NAV3: variants seen among roughly 807,000 people sequenced by gnomAD.
NAV3 encodes neuron navigator 3.
A neutral mutation model predicts 244.7 loss-of-function variants in NAV3; 87 were observed. The ratio of observed to expected loss-of-function variants is 0.36; its 90% confidence interval spans 0.30 to 0.42. The LOEUF (loss-of-function observed/expected upper bound fraction) is 0.42, where lower values mean the gene tolerates loss of function less well. Ranked by LOEUF, NAV3 falls within the 20% of genes least tolerant of loss-of-function variation. The pLI, the probability that NAV3 is intolerant of heterozygous loss-of-function variation, is 1.00. For synonymous variants in NAV3, 1,126 were observed against 1,042.2 expected, an observed-to-expected ratio of 1.08 and a Z score of -1.55; for missense variants, 2,663 against 2,893.3, an observed-to-expected ratio of 0.92 and a Z score of 1.83.
chr12:78,054,874 A>AT (rs1382537460), intron 11 of NAV3, among the ~76,000 whole-genome samples: 1 of 152,030 alleles, frequency 6.6e-6, no homozygotes, highest in African/African-American at 2.4e-5. Context: ...AGAGTTAGAG[A>AT]TGTAGAGCTG....
intron 1 of NAV3, among the ~76,000 whole-genome samples, chr12:77,839,524 A>G (rs1875246374): frequency 6.6e-6 from 1 of 152,324 alleles, no homozygotes; most frequent in South Asian, 2.1e-4. Flanking sequence ...CAGTTTCTTC[A>G]TCTTTAAAAT....
chr12:77,998,364 T>C lies in NAV3; in HGVS notation c.768T>C (p.Ala256=), dbSNP rs760803030. The C allele has an allele frequency of 1.2e-6, 2 of 1,601,062 alleles. No individual in the cohort carries two copies. The highest frequency in any genetic ancestry group is 1.7e-6 in the Non-Finnish European group (2 of 1,174,120). ...TRLPGPSRVP[A]AGSSSKVQGA... is the part of the protein sequence containing the mutation. ...TTCCAGGGCCCTCTAGGGTGCCTGC[T>C]GCAGGAAGCAGCAGCAAGGTCCAGG... The change falls in exon 7 of 40, where the codon GCT becomes GCC. Residue 256 remains alanine (A), a synonymous_variant. Coordinates refer to ENST00000397909, the MANE Select transcript of NAV3 (RefSeq NM_001024383.2).
Position 78,137,173 on chromosome 12 carries a change from T to G in NAV3, c.4442-4T>G. On this transcript the variant is annotated splice_polypyrimidine_tract_variant and splice_region_variant and intron_variant, in intron 18 of 39. Transcript: ENST00000397909. ...TAATAGGCTCTGTGTGTTTTGTTTTTCAGTGAGCCCAACAAATTTGTCTCA... is the reference window on the plus strand; with the variant it reads ...TAATAGGCTCTGTGTGTTTTGTTTTGCAGTGAGCCCAACAAATTTGTCTCA... The G allele has an allele frequency of 3.1e-6, 5 of 1,608,130 alleles. No homozygotes were observed. The highest frequency in any genetic ancestry group is 3.4e-6 in the Non-Finnish European group (4 of 1,177,216).
intron 20 of NAV3, among the ~76,000 whole-genome samples, chr12:78,141,196 A>T (rs1346045869): frequency 1.3e-5 from 2 of 152,072 alleles, no homozygotes; most frequent in African/African-American, 4.8e-5. Flanking sequence ...TTAGATAGAA[A>T]CTTTATTTAT....
At chr12:77,970,662 A>G (rs1027068339) in intron 5 of NAV3, among the ~76,000 whole-genome samples, 3 of 152,122 alleles carry the variant, frequency 2.0e-5, no homozygotes, top group Non-Finnish European at 2.9e-5. Flanking sequence ...GGTTATATCA[A>G]GTGAGATTGT....
At chr12:77,971,986 C>G (rs1893035384) in intron 5 of NAV3, among the ~76,000 whole-genome samples, 1 of 151,972 alleles carries the variant, frequency 6.6e-6, no homozygotes, top group Non-Finnish European at 1.5e-5. Context: ...TGTTTTTCCT[C>G]AAGTTGAATA....
chr12:78,003,707 A>G (rs1368973495), intron 7 of NAV3, among the ~76,000 whole-genome samples: 1 of 152,208 alleles, frequency 6.6e-6, no homozygotes, highest in African/African-American at 2.4e-5. Context: ...ACATCCATGT[A>G]TTAATTTTAG....
rs547619908 is a variant in NAV3 at position 77,631,377 on chromosome 12, GAAAC to G, written c.72+59115_72+59118del. Among the ~76,000 whole-genome samples the G allele has an allele frequency of 2.5e-4, 38 of 150,322 alleles. No homozygotes were observed. In the South Asian group the frequency reaches 4.8e-3, roughly 19 times the overall value. On this transcript the variant is annotated intron_variant, in intron 2 of 8. Transcript: ENST00000550042. ...TGGAAAAAGAAAAAAAGAAAGAAAA[GAAAC>G]AAAGACCATTTTATAGCGATTAAAT...
intron 12 of NAV3, among the ~76,000 whole-genome samples, chr12:78,061,083 C>A (rs1454716399): frequency 2.0e-5 from 3 of 152,130 alleles, no homozygotes; most frequent in Non-Finnish European, 1.5e-5. Flanking sequence ...GCAGCAGCAG[C>A]AGCAGCAGCC....
intron 3 of NAV3, among the ~76,000 whole-genome samples, chr12:77,943,803 A>G (rs1288861323): frequency 2.0e-5 from 3 of 152,192 alleles, no homozygotes. Context: ...GCTTAATAAC[A>G]AAAGATAAAG....
At chr12:77,941,035 C>T in intron 2 of NAV3, 46 bp from the exon 3 acceptor site, 1 of 1,207,426 alleles carries the variant, frequency 8.3e-7, no homozygotes, top group East Asian at 2.3e-5. Context: ...ATTGCTTAAG[C>T]ATGTCGTTCT....
intron 2 of NAV3, among the ~76,000 whole-genome samples, chr12:77,620,653 G>A (rs554899448): frequency 1.6e-4 from 24 of 151,956 alleles, no homozygotes; most frequent in Admixed American, 5.2e-4. Flanking sequence ...GTAGAGATGC[G>A]GTTTCACCAT....
At chr12:77,873,947 G>T (rs971442012) in intron 1 of NAV3, among the ~76,000 whole-genome samples, 1 of 151,272 alleles carries the variant, frequency 6.6e-6, no homozygotes, top group Non-Finnish European at 1.5e-5. Context: ...ACAACCAGAG[G>T]TGAGCAGCAG....
chr12:77,872,383 T>G (rs1374697213), intron 1 of NAV3, among the ~76,000 whole-genome samples: 1 of 152,124 alleles, frequency 6.6e-6, no homozygotes, highest in Non-Finnish European at 1.5e-5. Flanking sequence ...CCACTTGAAG[T>G]GCTATGCTTC....
At chr12:77,621,583 G>A (rs374819520) in intron 2 of NAV3, among the ~76,000 whole-genome samples, 12 of 150,284 alleles carry the variant, frequency 8.0e-5, no homozygotes, top group Non-Finnish European at 1.8e-4. Flanking sequence ...CGTGTCAAGC[G>A]ATTCTCCTGC....
chr12:77,946,006 A>G (rs1045423610), intron 3 of NAV3, among the ~76,000 whole-genome samples: 1 of 150,756 alleles, frequency 6.6e-6, no homozygotes, highest in African/African-American at 2.4e-5. Context: ...TGATCCACCC[A>G]TCTCGGCCTC....
rs1238616262 is a variant in NAV3, at chr12:77,963,041, AT to A, written c.415-3187del. On this transcript the variant is annotated intron_variant, in intron 3 of 39. Transcript: ENST00000397909. Reference sequence around the variant, plus strand: ...TTAGTTTGTTTGATATCCGATTCAAATAATAATGAAGGAAAATAAAACAGAT... The same window carrying A: ...TTAGTTTGTTTGATATCCGATTCAAAAATAATGAAGGAAAATAAAACAGAT... 3.3e-5 allele frequency among the ~76,000 whole-genome samples: 5 copies of A among 152,280 alleles called. No individual in the cohort carries two copies. The East Asian group carries it at 5.8e-4, about 18-fold the overall frequency.
chr12:77,593,150 C>G (rs145769503), intron 2 of NAV3, among the ~76,000 whole-genome samples: 41 of 152,048 alleles, frequency 2.7e-4, no homozygotes, highest in African/African-American at 9.6e-4. Context: ...CCAAATCAAC[C>G]CATGGGTGTC....
chr12:78,014,271 G>A (rs1161426637), intron 8 of NAV3, among the ~76,000 whole-genome samples: 2 of 151,950 alleles, frequency 1.3e-5, no homozygotes, highest in Admixed American at 1.3e-4. Context: ...TAAATACCAA[G>A]GAAACAATGC....
Sources: gnomAD v4.1 joint callset for allele counts (sites outside exome capture counted in the v4.1 genomes callset) on GRCh38, gnomAD v4.1.1 for gene constraint, MANE v1.5 for transcripts, NCBI Gene and HGNC (gene_info 2026-07-23, HGNC 2026-07-21) for gene names.